The following DENND4B variants were observed in gnomAD, a reference collection of about 807,000 sequenced individuals.
DENND4B encodes DENN domain-containing protein 4B.
DENND4B carries 67 observed loss-of-function variants against 161.0 expected under a neutral mutation model. The observed-to-expected ratio is 0.42, with a 90% CI of 0.34 to 0.51. The LOEUF (loss-of-function observed/expected upper bound fraction) is 0.51. Among genes scored for constraint, DENND4B ranks in the 20% least tolerant of loss-of-function variants. The pLI, the probability that DENND4B is intolerant of heterozygous loss-of-function variation, is 0.08. For missense variants in DENND4B, 1,481 were observed against 1,968.0 expected (o/e 0.75, Z 4.68); for synonymous variants, 753 against 813.8 (o/e 0.93, Z 1.27).
At position 153,942,518 on chromosome 1, in the gene DENND4B, T is replaced by A. The variant is rs1462968572; in HGVS notation, c.640+38A>T. 15 of 1,581,364 alleles carry A rather than the reference T, an allele frequency of 9.5e-6. No homozygotes were observed. Among genetic ancestry groups the A allele is most frequent in the Non-Finnish European group, 1.3e-5 (15 of 1,163,280 alleles). ...CAAGAGGCACCAGGGCAAAGGGATG[T>A]AGGGTCACAGGATTGGAGGGATAAA... On this transcript the variant is annotated intron_variant, in intron 4 of 27. Coordinates refer to ENST00000361217, the MANE Select transcript of DENND4B (RefSeq NM_014856.3). The surrounding 1 kb of genome is among the most constrained non-coding windows in gnomAD (Gnocchi z 6.9).
chr1:153,933,328 A>G lies in DENND4B; in HGVS notation c.3331-9T>C. On this transcript the variant is annotated splice_polypyrimidine_tract_variant and intron_variant, in intron 20 of 27. Transcript: ENST00000361217. This position sits in a 1 kb window ranked among gnomAD's most constrained non-coding sequence, Gnocchi z 5.7. ...CCCAGAGAGGCTGAGCTCTACCATG[A>G]CATGAGAAACCATGGTCAGCCAACC... The G allele has an allele frequency of 1.2e-6, 2 of 1,613,426 alleles. No individual in the cohort carries two copies. The highest frequency in any genetic ancestry group is 1.7e-6 in the Non-Finnish European group (2 of 1,179,674).
chr1:153,938,447 A>T (rs1166073539), intron 13 of DENND4B, among the ~76,000 whole-genome samples: 2 of 149,806 alleles, frequency 1.3e-5, no homozygotes, highest in African/African-American at 4.9e-5. Context: ...TAACGCTTGT[A>T]ATCCCAGCAC....
Position 153,936,047 on chromosome 1 carries a change from C to G in DENND4B, c.2568+13G>C. On this transcript the variant is annotated intron_variant, in intron 17 of 27. Transcript: ENST00000361217. The surrounding 1 kb of genome is among the most constrained non-coding windows in gnomAD (Gnocchi z 4.1). ...CACAGCTGCCATCCCACCCCTCACC[C>G]CAAAGTAGGTACCTTATTGTAGTAG... 6.2e-7 allele frequency: 1 copy of G among 1,612,628 alleles called. No homozygotes were observed. Among genetic ancestry groups the G allele is most frequent in the Non-Finnish European group, 8.5e-7 (1 of 1,179,354 alleles).
rs1455849825 is a variant in DENND4B, at chr1:153,945,249, T to A, written c.-23-852A>T. On this transcript the variant is annotated intron_variant, in intron 1 of 27. Transcript: ENST00000361217. Reference sequence around the variant, plus strand: ...AGCTCGCAGCAGGGGCCCAGAAGCGTGGGGGGTGCTTCAGAGGGGAAGGGA... The same window carrying A: ...AGCTCGCAGCAGGGGCCCAGAAGCGAGGGGGGTGCTTCAGAGGGGAAGGGA... The A allele has an allele frequency of 4.6e-6, 5 of 1,096,330 alleles. No homozygotes were observed. In the Admixed American group the frequency reaches 1.0e-4, roughly 23 times the overall value. 67.9% of individuals were successfully genotyped at this position (1,096,330 alleles called of 1,614,324 possible).
chr1:153,930,900 T>C lies in DENND4B; in HGVS notation c.4115-43A>G. ...AGGCCACCAGAATCACTGAGCCCTC[T>C]GGGTATGGGACCCACCCTCCCCACC... On this transcript the variant is annotated intron_variant, in intron 25 of 27. Coordinates refer to ENST00000361217, the MANE Select transcript of DENND4B (RefSeq NM_014856.3). This position sits in a 1 kb window ranked among gnomAD's most constrained non-coding sequence, Gnocchi z 4.7. 6.3e-7 allele frequency: 1 copy of C among 1,596,610 alleles called. No homozygotes were observed. Among genetic ancestry groups the C allele is most frequent in the Non-Finnish European group, 8.5e-7 (1 of 1,172,358 alleles).
Position 153,934,445 on chromosome 1 carries a change from GTTTT to G in DENND4B, c.2774-147_2774-144del. On this transcript the variant is annotated intron_variant, in intron 18 of 27. Coordinates refer to ENST00000361217, the MANE Select transcript of DENND4B (RefSeq NM_014856.3). The surrounding 1 kb of genome is among the most constrained non-coding windows in gnomAD (Gnocchi z 5.3). ...CCGTTTTGTGTTTGTTTGTTTGTTT[GTTTT>G]GTTTTGTTTTTTGAGATGGAGTCTT... is the stretch of plus-strand genomic sequence containing the variant. 1 of 1,249,632 alleles carries G rather than the reference GTTTT, an allele frequency of 8.0e-7. No homozygotes were observed. The allele number at this position is 1,249,632 out of a possible 1,614,324, so 77.4% of individuals were successfully genotyped here.
chr1:153,939,779 T>C lies in DENND4B; in HGVS notation c.1629A>G (p.Ala543=), dbSNP rs1679563353. The C allele has an allele frequency of 6.2e-7, 1 of 1,613,864 alleles. No homozygotes were observed. Among genetic ancestry groups the C allele is most frequent in the East Asian group, 2.2e-5 (1 of 44,848 alleles). ...DQTYTGPEEE[A]SLEFLLTDYE... Reference sequence around the variant, plus strand: ...AGTCTGTCAGTAGGAACTCCAGGGATGCTTCCTCCTCAGGTCCAGTGTATG... The same window carrying C: ...AGTCTGTCAGTAGGAACTCCAGGGACGCTTCCTCCTCAGGTCCAGTGTATG... The change falls in exon 12 of 28, where the codon GCA becomes GCG. Residue 543 remains alanine (A), a synonymous_variant. Transcript: ENST00000361217.
intron 1 of DENND4B, chr1:153,945,211 A>G: frequency 7.8e-7 from 1 of 1,282,672 alleles, no homozygotes; most frequent in Non-Finnish European, 1.0e-6. Context: ...AGCTGGGAAA[A>G]AGCCTGGTGG....
At chr1:153,939,921 T>G in intron 11 of DENND4B, 117 bp from the exon 12 acceptor site, 1 of 1,017,008 alleles carries the variant, frequency 9.8e-7, no homozygotes, top group Non-Finnish European at 1.4e-6. Flanking sequence ...CAGTAGCAAC[T>G]AAAGTATTAC....
intron 1 of DENND4B, chr1:153,945,060 C>A (rs1322031056): frequency 7.9e-7 from 1 of 1,272,696 alleles, no homozygotes; most frequent in Non-Finnish European, 1.0e-6. Context: ...TTGTGAGAGA[C>A]AAGTCCCGGC....
chr1:153,935,789 G>A, intron 17 of DENND4B: 1 of 385,278 alleles, frequency 2.6e-6, no homozygotes, highest in South Asian at 2.5e-5. Context: ...ATAAAATGAT[G>A]TAAAATGTGT....
rs777999181 is a variant in DENND4B at position 153,933,518 on chromosome 1, G to A, written c.3295C>T (p.His1099Tyr). The A allele has an allele frequency of 2.1e-5, 33 of 1,551,642 alleles. No individual in the cohort carries two copies. The highest frequency in any genetic ancestry group is 2.7e-5 in the African/African-American group (2 of 73,194). The change falls in exon 20 of 28, where the codon CAC becomes TAC. Residue 1099 changes from histidine to tyrosine, a missense_variant. Coordinates refer to ENST00000361217, the MANE Select transcript of DENND4B (RefSeq NM_014856.3). The surrounding 1 kb of genome is among the most constrained non-coding windows in gnomAD (Gnocchi z 5.7). ...ARRSPMDSLL[H>Y]PRERPGSTAS... is the part of the protein sequence containing the mutation. Reference sequence around the variant, plus strand: ...GTGGATCCAGGGCGCTCCCGGGGGTGCAGAAGACTGTCCATGGGGCTGCGG... The same window carrying A: ...GTGGATCCAGGGCGCTCCCGGGGGTACAGAAGACTGTCCATGGGGCTGCGG...
chr1:153,932,570 C>T lies in DENND4B; in HGVS notation c.3759+72G>A, dbSNP rs1679020039. On this transcript the variant is annotated intron_variant, in intron 23 of 27. Coordinates refer to ENST00000361217, the MANE Select transcript of DENND4B (RefSeq NM_014856.3). This position sits in a 1 kb window ranked among gnomAD's most constrained non-coding sequence, Gnocchi z 5.8. The stretch of plus-strand genomic sequence containing the variant: ...TCAAGGGCAAGAGATGTGCCCATCT[C>T]TCCCTGGCACCCCACAGGCCCCACA... The T allele has an allele frequency of 6.4e-7, 1 of 1,571,944 alleles. No homozygotes were observed. The highest frequency in any genetic ancestry group is 8.6e-7 in the Non-Finnish European group (1 of 1,157,278).
rs35616374 is a variant in DENND4B at position 153,945,553 on chromosome 1, GACACACACACAC to G, written c.-24+736_-24+747del. 4.7e-5 allele frequency among the ~76,000 whole-genome samples: 7 copies of G among 149,808 alleles called. No individual in the cohort carries two copies. In the East Asian group the frequency reaches 7.9e-4, roughly 17 times the overall value. Reference sequence around the variant, plus strand: ...GGCTTTCTTCATCACCTGGCCTCTGGACACACACACACACACACACACGCACACACACACGCA... The same window carrying G: ...GGCTTTCTTCATCACCTGGCCTCTGGACACACACACGCACACACACACGCA... On this transcript the variant is annotated intron_variant, in intron 1 of 27. Transcript: ENST00000361217.
chr1:153,939,537 C>T, intron 12 of DENND4B, 52 bp downstream of exon 12: 1 of 1,548,196 alleles, frequency 6.5e-7, no homozygotes, highest in Non-Finnish European at 8.8e-7. Context: ...AGCCCAGCCC[C>T]TCGCCACCTC....
At position 153,934,587 on chromosome 1, in the gene DENND4B, G is replaced by A. The variant is rs979627684; in HGVS notation, c.2773+173C>T. The A allele has an allele frequency of 8.3e-7, 1 of 1,202,562 alleles. No individual in the cohort carries two copies. The highest frequency in any genetic ancestry group is 1.1e-6 in the Non-Finnish European group (1 of 878,204). The allele number at this position is 1,202,562 out of a possible 1,614,324, so 74.5% of individuals were successfully genotyped here. Reference sequence around the variant, plus strand: ...CTCCCAAGTAGCTGGGACTACAGGTGCGCGCCACCACGCCCAGCTAATTTT... The same window carrying A: ...CTCCCAAGTAGCTGGGACTACAGGTACGCGCCACCACGCCCAGCTAATTTT... On this transcript the variant is annotated intron_variant, in intron 18 of 27. Coordinates refer to ENST00000361217, the MANE Select transcript of DENND4B (RefSeq NM_014856.3). The surrounding 1 kb of genome is among the most constrained non-coding windows in gnomAD (Gnocchi z 5.3).
chr1:153,939,845 T>C (rs755318604), intron 11 of DENND4B, 41 bp from the exon 12 acceptor site: 1 of 1,593,694 alleles, frequency 6.3e-7, no homozygotes. Flanking sequence ...CTGGCTCCCA[T>C]AGTGTTACCC....
At chr1:153,939,841 C>A in intron 11 of DENND4B, 37 bp from the exon 12 acceptor site, 1 of 1,596,188 alleles carries the variant, frequency 6.3e-7, no homozygotes, top group South Asian at 1.1e-5. Context: ...AGGGCTGGCT[C>A]CCATAGTGTT....
Position 153,936,888 on chromosome 1 carries a change from C to T in DENND4B, c.2233-140G>A. 2 of 801,422 alleles carry T rather than the reference C, an allele frequency of 2.5e-6. No homozygotes were observed. Among genetic ancestry groups the T allele is most frequent in the Non-Finnish European group, 1.9e-6 (1 of 539,504 alleles). 49.6% of individuals were successfully genotyped at this position (801,422 alleles called of 1,614,324 possible). A position where few individuals can be genotyped will look rare whatever the true frequency, so the allele number is the denominator to read the frequency against. Reference sequence around the variant, plus strand: ...GCGCAATCTTGGCTCACTGCAGACTCGGCCTCCTGGGCTCAAGCGATTCTC... The same window carrying T: ...GCGCAATCTTGGCTCACTGCAGACTTGGCCTCCTGGGCTCAAGCGATTCTC... On this transcript the variant is annotated intron_variant, in intron 15 of 27. Coordinates refer to ENST00000361217, the MANE Select transcript of DENND4B (RefSeq NM_014856.3). The surrounding 1 kb of genome is among the most constrained non-coding windows in gnomAD (Gnocchi z 4.1).
Sources: allele counts gnomAD v4.1 joint callset (sites outside exome capture counted in the v4.1 genomes callset), GRCh38; gene constraint gnomAD v4.1.1; non-coding constraint Gnocchi (gnomAD v3.1); transcripts MANE v1.5; gene names NCBI Gene and HGNC (gene_info 2026-07-23, HGNC 2026-07-21).